The following MIPOL1 variants were observed in gnomAD, a reference collection of about 807,000 sequenced individuals.
MIPOL1 encodes mirror-image polydactyly 1.
In MIPOL1, 57 loss-of-function variants were observed where a neutral mutation model predicts 60.9. That is an observed-to-expected ratio of 0.94 (90% CI 0.76 to 1.17). The LOEUF (loss-of-function observed/expected upper bound fraction) is 1.17. MIPOL1 is among the 50% of genes most tolerant of loss of function. MIPOL1 has a pLI of 0.00. For synonymous variants in MIPOL1, 179 were observed against 168.8 expected (o/e 1.06, Z -0.47); for missense variants, 551 against 511.6 (o/e 1.08, Z -0.74).
chr14:37,549,038 CTTAA>C lies in MIPOL1; in HGVS notation c.*2074_*2077del, dbSNP rs1316153522. 7.9e-5 allele frequency: 12 copies of C among 151,272 alleles called. No individual in the cohort carries two copies. The highest frequency in any genetic ancestry group is 2.4e-4 in the African/African-American group (10 of 41,386). 9.4% of individuals were successfully genotyped at this position (151,272 alleles called of 1,614,324 possible). On this transcript the variant is annotated 3_prime_UTR_variant, in exon 13 of 13. Transcript: ENST00000684589. ...GCAAAGTATTACAGCCAAATATTAT[CTTAA>C]TTAATTTCTTACACTTAAAAGTGTC...
chr14:37,249,682 A>C (rs1245715571), intron 3 of MIPOL1, among the ~76,000 whole-genome samples: 7 of 152,174 alleles, frequency 4.6e-5, no homozygotes, highest in African/African-American at 1.4e-4. Flanking sequence ...TGTGCTCTAT[A>C]TATTCAAGTT....
intron 1 of MIPOL1, among the ~76,000 whole-genome samples, chr14:37,207,524 TG>T (rs1254615231): frequency 2.1e-5 from 3 of 141,738 alleles, no homozygotes; most frequent in African/African-American, 8.7e-5. Context: ...TAAACTTATT[TG>T]AGGATATGAT....
chr14:37,403,186 C>G lies in MIPOL1; in HGVS notation c.937-19669C>G, dbSNP rs148426005. On this transcript the variant is annotated intron_variant, in intron 10 of 12. Transcript: ENST00000684589. ...ATATGGCCTAATAGAGATTTTCAAA[C>G]ATAAATTCTAATGTTTTGTTCCTCT... is the stretch of plus-strand genomic sequence containing the variant. Among the ~76,000 whole-genome samples, 27 of 152,154 alleles carry G rather than the reference C, an allele frequency of 1.8e-4. 1 individual carries two copies. The highest frequency in any genetic ancestry group is 5.5e-4 in the African/African-American group (23 of 41,520).
At chr14:37,355,365 G>A (rs1356754050) in intron 9 of MIPOL1, among the ~76,000 whole-genome samples, 3 of 133,994 alleles carry the variant, frequency 2.2e-5, no homozygotes, top group Non-Finnish European at 3.2e-5. Context: ...CAACTTTGGT[G>A]AATCTGACAA....
chr14:37,369,448 A>T, intron 9 of MIPOL1, 69 bp from the exon 10 acceptor site: 1 of 1,071,070 alleles, frequency 9.3e-7, no homozygotes, highest in Non-Finnish European at 1.4e-6. Flanking sequence ...TATTTACATT[A>T]ATTCATGTGG....
At chr14:37,543,588 T>G (rs1237480933) in intron 12 of MIPOL1, among the ~76,000 whole-genome samples, 1 of 152,216 alleles carries the variant, frequency 6.6e-6, no homozygotes, top group African/African-American at 2.4e-5. Context: ...GACATATTTT[T>G]TAATTGGGGT....
intron 1 of MIPOL1, among the ~76,000 whole-genome samples, chr14:37,244,183 A>G (rs1245384501): frequency 7.8e-6 from 1 of 127,486 alleles, no homozygotes; most frequent in Non-Finnish European, 1.5e-5. Context: ...GCAGTGGCAC[A>G]ATCTTGACTC....
intron 11 of MIPOL1, among the ~76,000 whole-genome samples, chr14:37,453,993 G>T (rs939436786): frequency 6.6e-6 from 1 of 152,082 alleles, no homozygotes. Flanking sequence ...AAATAATCTG[G>T]TCATTTTTAG....
intron 3 of MIPOL1, among the ~76,000 whole-genome samples, chr14:37,264,543 G>C (rs1303306533): frequency 6.6e-6 from 1 of 151,802 alleles, no homozygotes; most frequent in Non-Finnish European, 1.5e-5. Flanking sequence ...TGGGAAAATT[G>C]CTTAAGCCCG....
At chr14:37,458,998 G>C (rs895547534) in intron 11 of MIPOL1, among the ~76,000 whole-genome samples, 1 of 151,752 alleles carries the variant, frequency 6.6e-6, no homozygotes, top group Admixed American at 6.6e-5. Flanking sequence ...ACCAAATCTG[G>C]GATACAGCAA....
At chr14:37,397,581 A>T (rs1478107825) in intron 10 of MIPOL1, among the ~76,000 whole-genome samples, 1 of 152,120 alleles carries the variant, frequency 6.6e-6, no homozygotes, top group Non-Finnish European at 1.5e-5. Flanking sequence ...CTTTGTCTTC[A>T]GCTACCAGGG....
At chr14:37,414,031 C>T (rs1170841392) in intron 10 of MIPOL1, among the ~76,000 whole-genome samples, 1 of 151,924 alleles carries the variant, frequency 6.6e-6, no homozygotes, top group Non-Finnish European at 1.5e-5. Context: ...GATTTCAGTA[C>T]CAAAAATTTT....
chr14:37,307,642 A>C (rs1430189350), intron 7 of MIPOL1, among the ~76,000 whole-genome samples: 2 of 151,998 alleles, frequency 1.3e-5, no homozygotes, highest in African/African-American at 4.8e-5. Flanking sequence ...GAACATAGTT[A>C]AACTTTGTAA....
chr14:37,398,055 C>T (rs866791627), intron 10 of MIPOL1, among the ~76,000 whole-genome samples: 3 of 152,178 alleles, frequency 2.0e-5, no homozygotes, highest in South Asian at 4.1e-4. Flanking sequence ...GTGGTGTTTT[C>T]TTCTGTGCCT....
chr14:37,537,909 A>G (rs922911742), intron 12 of MIPOL1, among the ~76,000 whole-genome samples: 1 of 152,266 alleles, frequency 6.6e-6, no homozygotes, highest in African/African-American at 2.4e-5. Flanking sequence ...ATAACAGTCT[A>G]GAAACTTCTG....
intron 9 of MIPOL1, among the ~76,000 whole-genome samples, chr14:37,338,108 ATTT>A (rs61425558): frequency 7.4e-6 from 1 of 134,878 alleles, no homozygotes; most frequent in Admixed American, 7.7e-5. Flanking sequence ...ATTTAATTTA[ATTT>A]TTTTTTTTTT....
At chr14:37,365,835 C>G (rs1332493615) in intron 9 of MIPOL1, among the ~76,000 whole-genome samples, 1 of 152,000 alleles carries the variant, frequency 6.6e-6, no homozygotes, top group African/African-American at 2.4e-5. Flanking sequence ...GCCATCAGGT[C>G]CAAGGCTTTT....
chr14:37,308,656 G>A (rs554176258), intron 9 of MIPOL1, 137 bp downstream of exon 9: 2 of 461,518 alleles, frequency 4.3e-6, no homozygotes, highest in East Asian at 7.2e-5. Flanking sequence ...ACAGTGATTA[G>A]CTATATTAAA....
intron 11 of MIPOL1, among the ~76,000 whole-genome samples, chr14:37,498,440 A>G (rs2095165934): frequency 6.6e-6 from 1 of 151,720 alleles, no homozygotes; most frequent in Admixed American, 6.6e-5. Context: ...TTTCATGGAG[A>G]TAAAGAGGGT....
Sources: allele counts gnomAD v4.1 joint callset (sites outside exome capture counted in the v4.1 genomes callset), GRCh38; gene constraint gnomAD v4.1.1; transcripts MANE v1.5; gene names NCBI Gene and HGNC (gene_info 2026-07-23, HGNC 2026-07-21).